The following SYNPR variants were observed in gnomAD, a reference collection of about 807,000 sequenced individuals.
SYNPR encodes synaptoporin.
In SYNPR, 23 loss-of-function variants were observed where a neutral mutation model predicts 32.9. The observed-to-expected ratio is 0.70, with a 90% CI of 0.50 to 0.99. The LOEUF (loss-of-function observed/expected upper bound fraction) is 0.99. Ranked by LOEUF, SYNPR falls within the 50% of genes least tolerant of loss-of-function variation. SYNPR has a pLI of 0.00. For missense variants in SYNPR, 318 were observed against 349.3 expected (o/e 0.91, Z 0.71); for synonymous variants, 146 against 135.9 (o/e 1.07, Z -0.52).
intron 2 of SYNPR, among the ~76,000 whole-genome samples, chr3:63,254,761 T>G (rs1035125242): frequency 6.6e-6 from 1 of 152,210 alleles, no homozygotes; most frequent in African/African-American, 2.4e-5. Flanking sequence ...TACCTTGGAA[T>G]GTATTTGGAC....
intron 4 of SYNPR, among the ~76,000 whole-genome samples, chr3:63,588,824 C>T (rs1469049958): frequency 6.6e-6 from 1 of 152,030 alleles, no homozygotes; most frequent in Non-Finnish European, 1.5e-5. Context: ...GTGAACTGAT[C>T]CACCCCAAAC....
chr3:63,316,520 G>T (rs1159698833), intron 2 of SYNPR, among the ~76,000 whole-genome samples: 1 of 151,800 alleles, frequency 6.6e-6, no homozygotes, highest in African/African-American at 2.4e-5. Flanking sequence ...GTTTATGGGC[G>T]TAAAGGTGTT....
At chr3:63,255,675 G>A (rs900115251) in intron 2 of SYNPR, among the ~76,000 whole-genome samples, 9 of 152,128 alleles carry the variant, frequency 5.9e-5, no homozygotes, top group African/African-American at 9.7e-5. Flanking sequence ...TGTGAGCGAC[G>A]CAGAAGATGG....
intron 2 of SYNPR, among the ~76,000 whole-genome samples, chr3:63,458,859 A>G (rs1380324889): frequency 6.6e-6 from 1 of 151,890 alleles, no homozygotes; most frequent in East Asian, 1.9e-4. Flanking sequence ...CTTGTAACCT[A>G]TTTCTGTCAG....
chr3:63,506,146 T>C (rs1421906325), intron 3 of SYNPR, among the ~76,000 whole-genome samples: 1 of 151,826 alleles, frequency 6.6e-6, no homozygotes, highest in African/African-American at 2.4e-5. Context: ...TCTCTTCCCT[T>C]TTCCTCCGCT....
the SYNPR span, among the ~76,000 whole-genome samples, chr3:63,217,965 A>G: frequency 1.3e-5 from 2 of 152,088 alleles, no homozygotes; most frequent in East Asian, 3.9e-4. Context: ...AGGATTTCTT[A>G]CAACACTTAT....
At chr3:63,529,625 T>C (rs571591802) in intron 3 of SYNPR, among the ~76,000 whole-genome samples, 1 of 152,332 alleles carries the variant, frequency 6.6e-6, no homozygotes, top group South Asian at 2.1e-4. Context: ...CCATAGAAGT[T>C]GATGTCTTGA....
the SYNPR span, among the ~76,000 whole-genome samples, chr3:63,220,004 A>G: frequency 6.6e-6 from 1 of 152,204 alleles, no homozygotes; most frequent in Non-Finnish European, 1.5e-5. Flanking sequence ...GCTTTGTGTC[A>G]ATGTGAGTGG....
chr3:63,517,984 T>C (rs545404325), intron 3 of SYNPR, among the ~76,000 whole-genome samples: 1 of 152,288 alleles, frequency 6.6e-6, no homozygotes, highest in Admixed American at 6.5e-5. Flanking sequence ...TAATGCAGGT[T>C]GGCAAGAAGG....
At chr3:63,441,211 T>A (rs1477193310) in intron 2 of SYNPR, among the ~76,000 whole-genome samples, 2 of 152,180 alleles carry the variant, frequency 1.3e-5, no homozygotes, top group Non-Finnish European at 2.9e-5. Context: ...AAGGCTCAAA[T>A]AAAATGATAT....
chr3:63,396,135 T>C (rs959190367), intron 2 of SYNPR, among the ~76,000 whole-genome samples: 1 of 152,216 alleles, frequency 6.6e-6, no homozygotes. Context: ...TGATTACCCC[T>C]GCACATTGCA....
intron 3 of SYNPR, among the ~76,000 whole-genome samples, chr3:63,536,326 C>G (rs919308116): frequency 6.6e-6 from 1 of 151,884 alleles, no homozygotes; most frequent in African/African-American, 2.4e-5. Context: ...GACATTCATC[C>G]AAGAAGATAT....
intron 3 of SYNPR, among the ~76,000 whole-genome samples, chr3:63,485,799 G>A (rs1701137508): frequency 6.6e-6 from 1 of 152,082 alleles, no homozygotes; most frequent in Admixed American, 6.6e-5. Context: ...TTTTCAGTTT[G>A]TAAAAATCTT....
At chr3:63,365,363 G>T (rs1482817307) in intron 2 of SYNPR, among the ~76,000 whole-genome samples, 3 of 152,158 alleles carry the variant, frequency 2.0e-5, no homozygotes, top group Non-Finnish European at 4.4e-5. Flanking sequence ...GGACGTGGGG[G>T]TGGGTTGTGG....
At chr3:63,224,505 C>A (rs980356400), upstream of SYNPR, among the ~76,000 whole-genome samples, 5 of 152,132 alleles carry the variant, frequency 3.3e-5, no homozygotes, top group African/African-American at 1.2e-4. Context: ...CACAGTTGAA[C>A]TAATTAACAT....
chr3:63,254,260 T>G (rs1575576941), intron 2 of SYNPR, among the ~76,000 whole-genome samples: 1 of 152,108 alleles, frequency 6.6e-6, no homozygotes, highest in African/African-American at 2.4e-5. Context: ...ATGGCACATG[T>G]ATACATATGT....
intron 2 of SYNPR, among the ~76,000 whole-genome samples, chr3:63,414,581 G>A (rs1476890897): frequency 6.6e-6 from 1 of 152,096 alleles, no homozygotes; most frequent in Non-Finnish European, 1.5e-5. Flanking sequence ...AAAACTTTCA[G>A]AAACAACCTT....
At chr3:63,521,315 A>G (rs112864752) in intron 3 of SYNPR, among the ~76,000 whole-genome samples, 23 of 152,346 alleles carry the variant, frequency 1.5e-4, no homozygotes, top group African/African-American at 5.5e-4. Context: ...CAAGTGATCA[A>G]AAAATTTGAG....
intron 2 of SYNPR, among the ~76,000 whole-genome samples, chr3:63,256,428 C>T (rs936409784): frequency 1.3e-5 from 2 of 152,210 alleles, no homozygotes; most frequent in Non-Finnish European, 2.9e-5. Flanking sequence ...CGCTGTTCTG[C>T]AGCCTCTGCT....
Sources: gnomAD v4.1 joint callset for allele counts (sites outside exome capture counted in the v4.1 genomes callset) on GRCh38, gnomAD v4.1.1 for gene constraint, MANE v1.5 for transcripts, NCBI Gene and HGNC (gene_info 2026-07-23, HGNC 2026-07-21) for gene names.